CLMN: variants seen among roughly 807,000 people sequenced by gnomAD.
CLMN encodes calmin (calponin-like, transmembrane).
CLMN carries 57 observed loss-of-function variants against 92.7 expected under a neutral mutation model. That is an observed-to-expected ratio of 0.61 (90% confidence interval 0.50 to 0.77). The LOEUF is 0.77. CLMN is among the 30% of genes least tolerant of loss of function. The pLI, the probability that CLMN is intolerant of heterozygous loss-of-function variation, is 0.00. For missense variants in CLMN, 1,158 were observed against 1,237.5 expected, an observed-to-expected ratio of 0.94 and a Z score of 0.96; for synonymous variants, 466 against 470.6, an observed-to-expected ratio of 0.99 and a Z score of 0.13.
intron 1 of CLMN, among the ~76,000 whole-genome samples, chr14:95,276,143 T>C (rs1392772781): frequency 6.6e-6 from 1 of 152,102 alleles, no homozygotes; most frequent in Admixed American, 6.5e-5. Flanking sequence ...TCAAAGGAAA[T>C]CAACTGCAGT....
chr14:95,269,358 TTCTA>T (rs1899615769), intron 1 of CLMN, among the ~76,000 whole-genome samples: 2 of 152,370 alleles, frequency 1.3e-5, no homozygotes, highest in South Asian at 4.1e-4. Flanking sequence ...ATTTTCACAT[TTCTA>T]TCTTTACCTC....
In CLMN at chr14:95,294,824, T is replaced by C. The variant is rs1900740162; in HGVS notation, c.82+24887A>G. 6.6e-6 allele frequency among the ~76,000 whole-genome samples: 1 copy of C among 152,202 alleles called. No homozygotes were observed. The highest frequency in any genetic ancestry group is 2.4e-5 in the African/African-American group (1 of 41,452). ...GACAACGTGGGGTGGAGGGGCCACA[T>C]CACTTATTCCTCTGCTGCCTCCTAC... On this transcript the variant is annotated intron_variant, in intron 1 of 12. Coordinates refer to ENST00000298912, the MANE Select transcript of CLMN (RefSeq NM_024734.4). The surrounding 1 kb of genome is among the most constrained non-coding windows in gnomAD (Gnocchi z 4.2).
intron 5 of CLMN, among the ~76,000 whole-genome samples, chr14:95,214,278 C>A (rs983694925): frequency 1.3e-5 from 2 of 150,852 alleles, no homozygotes; most frequent in African/African-American, 4.9e-5. Flanking sequence ...TCCAGAATCT[C>A]TGAGGAAGTT....
intron 3 of CLMN, 78 bp from the exon 4 acceptor site, chr14:95,221,852 G>A: frequency 7.3e-7 from 1 of 1,370,988 alleles, no homozygotes; most frequent in East Asian, 2.3e-5. Flanking sequence ...GCTGCTGGGT[G>A]TGCTTTACTT....
At chr14:95,219,638 A>G (rs754488025) in intron 4 of CLMN, among the ~76,000 whole-genome samples, 2 of 152,172 alleles carry the variant, frequency 1.3e-5, no homozygotes, top group Non-Finnish European at 2.9e-5. Context: ...CCATTTGCCT[A>G]CAGTTCCTGG....
chr14:95,317,385 C>G (rs1169559401), intron 1 of CLMN, among the ~76,000 whole-genome samples: 1 of 152,140 alleles, frequency 6.6e-6, no homozygotes, highest in East Asian at 1.9e-4. Context: ...AGCACAACGC[C>G]CGACACGGTA....
chr14:95,208,615 G>A (rs1290513918), intron 8 of CLMN, among the ~76,000 whole-genome samples: 2 of 152,196 alleles, frequency 1.3e-5, no homozygotes, highest in South Asian at 2.1e-4. Flanking sequence ...TTTGTCATGG[G>A]AAGAGGTCTG....
At chr14:95,225,965 G>A (rs1897698819) in intron 2 of CLMN, among the ~76,000 whole-genome samples, 1 of 152,212 alleles carries the variant, frequency 6.6e-6, no homozygotes, top group Admixed American at 6.5e-5. Flanking sequence ...AGATGCTCCA[G>A]TGTGAGGATT....
At chr14:95,219,644 C>T (rs1897464246) in intron 4 of CLMN, among the ~76,000 whole-genome samples, 1 of 152,142 alleles carries the variant, frequency 6.6e-6, no homozygotes, top group South Asian at 2.1e-4. Flanking sequence ...GCCTACAGTT[C>T]CTGGGAGTGG....
chr14:95,220,652 T>C (rs559778698), intron 4 of CLMN, among the ~76,000 whole-genome samples: 1 of 152,218 alleles, frequency 6.6e-6, no homozygotes, highest in African/African-American at 2.4e-5. Context: ...AGGGGACTAT[T>C]GGGAAGCAGA....
chr14:95,262,420 G>C (rs182568867), intron 1 of CLMN, among the ~76,000 whole-genome samples: 73 of 152,302 alleles, frequency 4.8e-4, no homozygotes, highest in African/African-American at 1.7e-3. Flanking sequence ...ATATCCACGT[G>C]ACATTTATGA....
rs746772173 is a variant in CLMN at position 95,204,175 on chromosome 14, G to C, written c.1174C>G (p.Pro392Ala). 3 of 1,614,080 alleles carry C rather than the reference G, an allele frequency of 1.9e-6. No homozygotes were observed. The South Asian group carries it at 3.3e-5, about 18-fold the overall frequency. Residue 392 changes from proline (P) to alanine (A), a missense_variant, in exon 9 of 13, where the codon CCA becomes GCA. Physicochemically the swap from Pro to Ala is conservative, Grantham distance 27 (BLOSUM62 -1). Transcript: ENST00000298912. Reference protein sequence around the residue: ...QIIDQVLQGGPGKTSDISEPS... With the variant: ...QIIDQVLQGGAGKTSDISEPS... Reference sequence around the variant, plus strand: ...TCACTGATGTCGCTGGTCTTACCTGGGCCCCCTTGCAGGACCTGGTCAATA... The same window carrying C: ...TCACTGATGTCGCTGGTCTTACCTGCGCCCCCTTGCAGGACCTGGTCAATA...
intron 4 of CLMN, among the ~76,000 whole-genome samples, chr14:95,217,169 A>G (rs1031114744): frequency 1.3e-5 from 2 of 152,266 alleles, no homozygotes; most frequent in Non-Finnish European, 2.9e-5. Flanking sequence ...AGAAAGAGAA[A>G]GTCAAGATAC....
chr14:95,311,041 C>G (rs1901514175), intron 1 of CLMN, among the ~76,000 whole-genome samples: 1 of 152,102 alleles, frequency 6.6e-6, no homozygotes, highest in Non-Finnish European at 1.5e-5. Context: ...GTTGTGGCAA[C>G]TAACAAGGAG....
At chr14:95,210,093 C>T (rs1413640549) in intron 7 of CLMN, among the ~76,000 whole-genome samples, 1 of 152,030 alleles carries the variant, frequency 6.6e-6, no homozygotes, top group Non-Finnish European at 1.5e-5. Flanking sequence ...GGCTCTGTCG[C>T]CCAGGCTGGA....
In CLMN at chr14:95,189,025, G is replaced by A. The variant is rs1896502092; in HGVS notation, c.*2539C>T. On this transcript the variant is annotated 3_prime_UTR_variant, in exon 13 of 13. Transcript: ENST00000298912. ...AAAGAGAGAGAATAGCAAATTAATG[G>A]GGACATTTGGAGGAGAAAGGACATG... The A allele has an allele frequency of 6.6e-6, 1 of 151,920 alleles. No homozygotes were observed. Among genetic ancestry groups the A allele is most frequent in the African/African-American group, 2.4e-5 (1 of 41,380 alleles). 9.4% of individuals were successfully genotyped at this position (151,920 alleles called of 1,614,324 possible).
At chr14:95,225,154 C>CAA (rs200153974) in intron 2 of CLMN, among the ~76,000 whole-genome samples, 5,818 of 141,876 alleles carry the variant, frequency 0.041, 388 homozygotes, top group African/African-American at 0.14. Context: ...AAAGTTGTAC[C>CAA]AAAAAAAAAA....
intron 1 of CLMN, among the ~76,000 whole-genome samples, chr14:95,281,892 T>C (rs987473638): frequency 6.6e-6 from 1 of 152,212 alleles, no homozygotes; most frequent in African/African-American, 2.4e-5. Context: ...CAAGAAGGGC[T>C]GTACCATGCA....
At chr14:95,268,418 T>C (rs1027670468) in intron 1 of CLMN, among the ~76,000 whole-genome samples, 1 of 148,190 alleles carries the variant, frequency 6.7e-6, no homozygotes, top group Non-Finnish European at 1.5e-5. Context: ...TACACCACCA[T>C]GATTCTTACT....
Sources: gnomAD v4.1 joint callset for allele counts (sites outside exome capture counted in the v4.1 genomes callset) on GRCh38, gnomAD v4.1.1 for gene constraint, Gnocchi (gnomAD v3.1) non-coding constraint, MANE v1.5 for transcripts, NCBI Gene and HGNC (gene_info 2026-07-23, HGNC 2026-07-21) for gene names.